CLVS1: variants seen among roughly 807,000 people sequenced by gnomAD.
CLVS1 encodes clavesin-1.
CLVS1 carries 10 observed loss-of-function variants against 33.1 expected under a neutral mutation model. The observed-to-expected ratio is 0.30, with a 90% CI of 0.19 to 0.51. The LOEUF is 0.51. CLVS1 is among the 20% of genes least tolerant of loss of function. The probability of loss-of-function intolerance (pLI) is 0.97; values close to 1 mark genes in which losing one functional copy is unlikely to be tolerated. For synonymous variants in CLVS1, 163 were observed against 166.1 expected (o/e 0.98, Z 0.14); for missense variants, 343 against 433.4 (o/e 0.79, Z 1.85).
chr8:61,125,283 A>G (rs926108734), intron 1 of CLVS1, among the ~76,000 whole-genome samples: 2 of 152,108 alleles, frequency 1.3e-5, no homozygotes, highest in East Asian at 1.9e-4. Context: ...TGTGTCCTCC[A>G]TGGCGCAGCA....
chr8:61,137,984 A>G (rs1021028605), intron 2 of CLVS1, among the ~76,000 whole-genome samples: 2 of 152,220 alleles, frequency 1.3e-5, no homozygotes, highest in African/African-American at 4.8e-5. Flanking sequence ...CTGACTTACA[A>G]GAGCCAGGTA....
At chr8:61,418,478 A>G (rs1238029208) in intron 3 of CLVS1, among the ~76,000 whole-genome samples, 1 of 151,660 alleles carries the variant, frequency 6.6e-6, no homozygotes, top group Non-Finnish European at 1.5e-5. Context: ...CTCCATTACC[A>G]CTCTTCTGCT....
the CLVS1 span, among the ~76,000 whole-genome samples, chr8:61,017,213 T>C: frequency 4.6e-5 from 7 of 152,116 alleles, no homozygotes; most frequent in Non-Finnish European, 1.0e-4. Flanking sequence ...AAGCCCCAAA[T>C]AGAGTTAGCC....
the CLVS1 span, among the ~76,000 whole-genome samples, chr8:61,045,757 C>T: frequency 1.3e-4 from 20 of 152,182 alleles, no homozygotes; most frequent in Non-Finnish European, 2.6e-4. Context: ...TTGGAGGTGG[C>T]TGCTTCCATG....
chr8:60,976,666 G>A, the CLVS1 span, among the ~76,000 whole-genome samples: 117 of 152,372 alleles, frequency 7.7e-4, 3 homozygotes, highest in Admixed American at 7.6e-3. Flanking sequence ...AAGTCTAATA[G>A]AACAATTGAA....
chr8:61,197,251 G>C (rs980265328), intron 2 of CLVS1, among the ~76,000 whole-genome samples: 12 of 152,140 alleles, frequency 7.9e-5, no homozygotes, highest in African/African-American at 2.9e-4. Flanking sequence ...TTGATATTCA[G>C]TTTTCCCAGC....
chr8:61,055,944 C>T (rs188391969), upstream of CLVS1, among the ~76,000 whole-genome samples: 4 of 152,362 alleles, frequency 2.6e-5, no homozygotes, highest in East Asian at 7.7e-4. Context: ...TAACATGTGG[C>T]TCCCAGCACA....
intron 5 of CLVS1, among the ~76,000 whole-genome samples, chr8:61,488,816 C>A (rs28415536): frequency 0.084 from 12,751 of 152,184 alleles, 1,552 homozygotes; most frequent in African/African-American, 0.27. Context: ...TGTCCAGCTG[C>A]GGCTGCCAGT....
At chr8:61,436,209 G>A (rs1171599806) in intron 3 of CLVS1, among the ~76,000 whole-genome samples, 1 of 152,018 alleles carries the variant, frequency 6.6e-6, no homozygotes, top group East Asian at 1.9e-4. Context: ...TCTCTACTGG[G>A]TCATTCCCAC....
At chr8:61,005,341 G>A in the CLVS1 span, among the ~76,000 whole-genome samples, 1 of 150,688 alleles carries the variant, frequency 6.6e-6, no homozygotes, top group Non-Finnish European at 1.5e-5. Flanking sequence ...GTGCGAATAC[G>A]TCAAGGGGAC....
At chr8:61,428,491 T>C (rs554239266) in intron 3 of CLVS1, among the ~76,000 whole-genome samples, 5 of 152,324 alleles carry the variant, frequency 3.3e-5, no homozygotes, top group African/African-American at 1.2e-4. Flanking sequence ...AATAAGAACC[T>C]AGGAAATGTG....
the CLVS1 span, among the ~76,000 whole-genome samples, chr8:61,013,968 G>C: frequency 6.6e-6 from 1 of 152,012 alleles, no homozygotes; most frequent in Non-Finnish European, 1.5e-5. Flanking sequence ...CTGAGGGTCA[G>C]TTCTGATGAC....
chr8:60,989,214 C>G, the CLVS1 span, among the ~76,000 whole-genome samples: 1 of 150,672 alleles, frequency 6.6e-6, no homozygotes. Context: ...GAATTTTGCT[C>G]TTGTTGCCCA....
chr8:61,275,769 A>T (rs1352601528), intron 2 of CLVS1, among the ~76,000 whole-genome samples: 1 of 152,206 alleles, frequency 6.6e-6, no homozygotes, highest in African/African-American at 2.4e-5. Flanking sequence ...AGTCTCTCAA[A>T]GGTCTTACCT....
At chr8:61,233,828 G>A (rs1193236389) in intron 2 of CLVS1, among the ~76,000 whole-genome samples, 2 of 152,250 alleles carry the variant, frequency 1.3e-5, no homozygotes, top group Non-Finnish European at 2.9e-5. Flanking sequence ...TGCCTGGTGG[G>A]TGAATCAGCA....
In CLVS1 at chr8:61,080,349, C is replaced by G. The variant is rs151065743; in HGVS notation, c.-243+23119C>G. ...ACAAACTTTGCTTCTTTGGGTAAAACAGTCATCACTTAAAAGATAAAAGTT... is the reference window on the plus strand; with the variant it reads ...ACAAACTTTGCTTCTTTGGGTAAAAGAGTCATCACTTAAAAGATAAAAGTT... On this transcript the variant is annotated intron_variant, in intron 1 of 2. Coordinates refer to the CLVS1 transcript ENST00000522621. Among the ~76,000 whole-genome samples the G allele has an allele frequency of 4.1e-3, 619 of 152,226 alleles. 1 individual carries two copies. The highest frequency in any genetic ancestry group is 6.5e-3 in the Non-Finnish European group (441 of 68,002).
At chr8:61,286,580 CA>C (rs1809786239), upstream of CLVS1, among the ~76,000 whole-genome samples, 1 of 152,202 alleles carries the variant, frequency 6.6e-6, no homozygotes, top group African/African-American at 2.4e-5. Flanking sequence ...GCTTGGGAAG[CA>C]GTAGTGAACA....
chr8:61,073,325 G>A (rs1177979240), intron 1 of CLVS1, among the ~76,000 whole-genome samples: 3 of 152,134 alleles, frequency 2.0e-5, no homozygotes, highest in African/African-American at 7.2e-5. Context: ...GTAGCTTTAG[G>A]CCTCTACAAA....
intron 4 of CLVS1, among the ~76,000 whole-genome samples, chr8:61,457,510 T>C (rs953282784): frequency 7.2e-5 from 11 of 151,836 alleles, no homozygotes; most frequent in Non-Finnish European, 1.5e-5. Flanking sequence ...AGGTGTGCCT[T>C]CTCTCCTGCT....
Sources: allele counts gnomAD v4.1 joint callset (sites outside exome capture counted in the v4.1 genomes callset), GRCh38; gene constraint gnomAD v4.1.1; transcripts MANE v1.5; gene names NCBI Gene and HGNC (gene_info 2026-07-23, HGNC 2026-07-21).